Variants in INPP4B observed in about 807,000 individuals in gnomAD.
The protein encoded by INPP4B is inositol polyphosphate-4-phosphatase type II B.
In INPP4B, 55 loss-of-function variants were observed where a neutral mutation model predicts 122.5. That is an observed-to-expected ratio of 0.45 (90% confidence interval 0.36 to 0.56). The LOEUF is 0.56. Among genes scored for constraint, INPP4B ranks in the 20% least tolerant of loss-of-function variants. The pLI is 0.00. For missense variants in INPP4B, 1,000 were observed against 1,097.7 expected (o/e 0.91, Z 1.26); for synonymous variants, 403 against 388.7 (o/e 1.04, Z -0.43).
At chr4:142,088,294 A>G (rs1777806004) in intron 23 of INPP4B, among the ~76,000 whole-genome samples, 1 of 152,234 alleles carries the variant, frequency 6.6e-6, no homozygotes, top group Admixed American at 6.5e-5. Flanking sequence ...CATGGCATGC[A>G]AGAAATAAGA....
At chr4:142,680,044 G>A (rs1758399408) in intron 2 of INPP4B, among the ~76,000 whole-genome samples, 2 of 151,786 alleles carry the variant, frequency 1.3e-5, no homozygotes, top group African/African-American at 2.4e-5. Flanking sequence ...CAAGCTGGCT[G>A]GTTTTAGCTA....
At chr4:142,467,876 G>C (rs769317293) in intron 2 of INPP4B, 3 of 152,086 alleles carry the variant, frequency 2.0e-5, no homozygotes, top group Admixed American at 2.0e-4. Context: ...TGATAAGTGA[G>C]CTCTTGCTCT....
In INPP4B at chr4:142,420,529, G is replaced by C. The variant is rs139316904; in HGVS notation, c.136+8644C>G. On this transcript the variant is annotated intron_variant, in intron 5 of 25. Transcript: ENST00000262992. ...ACAGATGTGTAAAGAAGCTCTAATT[G>C]GTTCATTTTCTCTTCCTTCAATTAA... Among the ~76,000 whole-genome samples, 367 of 152,068 alleles carry C rather than the reference G, an allele frequency of 2.4e-3. 2 individuals carry two copies. The highest frequency in any genetic ancestry group is 8.3e-3 in the African/African-American group (344 of 41,496).
intron 8 of INPP4B, among the ~76,000 whole-genome samples, chr4:142,310,824 G>A (rs1420441547): frequency 6.6e-6 from 1 of 151,898 alleles, no homozygotes; most frequent in Admixed American, 6.6e-5. Context: ...AAAAGTTGAT[G>A]AATAGCCCAA....
intron 7 of INPP4B, among the ~76,000 whole-genome samples, chr4:142,352,303 A>G (rs143891700): frequency 1.3e-5 from 2 of 152,060 alleles, no homozygotes; most frequent in Non-Finnish European, 2.9e-5. Flanking sequence ...CAGTATTAAG[A>G]CAACAAAAGA....
chr4:142,530,999 G>A (rs1202166721), intron 2 of INPP4B, among the ~76,000 whole-genome samples: 1 of 152,026 alleles, frequency 6.6e-6, no homozygotes, highest in Non-Finnish European at 1.5e-5. Context: ...TATGTTTAAA[G>A]GTCACTGACT....
At chr4:142,218,359 T>G (rs942137513) in intron 12 of INPP4B, among the ~76,000 whole-genome samples, 5 of 152,174 alleles carry the variant, frequency 3.3e-5, no homozygotes, top group Admixed American at 2.0e-4. Flanking sequence ...AGGCCAACAT[T>G]CTGTGTGCAA....
At chr4:142,469,979 T>C (rs1818517033) in intron 2 of INPP4B, among the ~76,000 whole-genome samples, 2 of 152,040 alleles carry the variant, frequency 1.3e-5, no homozygotes, top group Admixed American at 1.3e-4. Flanking sequence ...TAAATTATGT[T>C]CCATTAGACA....
At chr4:142,494,665 G>A (rs1320874027) in intron 2 of INPP4B, among the ~76,000 whole-genome samples, 1 of 152,070 alleles carries the variant, frequency 6.6e-6, no homozygotes, top group African/African-American at 2.4e-5. Context: ...TTTCCTGGCT[G>A]TTATTATCTT....
chr4:142,060,076 T>C (rs1759765807), intron 25 of INPP4B, among the ~76,000 whole-genome samples: 1 of 152,214 alleles, frequency 6.6e-6, no homozygotes, highest in Admixed American at 6.5e-5. Context: ...GACTGATTTT[T>C]GGTTTTGCAC....
intron 23 of INPP4B, among the ~76,000 whole-genome samples, chr4:142,086,895 T>G (rs1241819058): frequency 6.6e-6 from 1 of 152,194 alleles, no homozygotes; most frequent in Non-Finnish European, 1.5e-5. Context: ...TGTCATGAGA[T>G]ATAACTTTCC....
chr4:142,082,055 A>G lies in INPP4B; in HGVS notation c.2618T>C (p.Ile873Thr). Residue 873 changes from isoleucine (I) to threonine (T), a missense_variant, in exon 25 of 26, where the codon ATC becomes ACC. Coordinates refer to ENST00000262992, the MANE Select transcript of INPP4B (RefSeq NM_001101669.3). The stretch of plus-strand genomic sequence containing the variant: ...CCTTCTCATGCAATCCAGCGCTCGG[A>G]TAAAGAAGTCCTTGTGTAACTGGTG... ...DEHQLHKDFF[I>T]RALDCMRREG... 1 of 1,472,082 alleles carries G rather than the reference A, an allele frequency of 6.8e-7. No homozygotes were observed. Among genetic ancestry groups the G allele is most frequent in the Non-Finnish European group, 9.2e-7 (1 of 1,086,722 alleles). The allele number at this position is 1,472,082 out of a possible 1,614,324, so 91.2% of individuals were successfully genotyped here.
chr4:142,487,784 T>C (rs1166677988), intron 2 of INPP4B, among the ~76,000 whole-genome samples: 1 of 152,174 alleles, frequency 6.6e-6, no homozygotes, highest in Non-Finnish European at 1.5e-5. Flanking sequence ...TTGCATCCTA[T>C]GGTCTTTATA....
At chr4:142,751,075 G>T (rs1769616115) in intron 1 of INPP4B, among the ~76,000 whole-genome samples, 1 of 151,960 alleles carries the variant, frequency 6.6e-6, no homozygotes. Context: ...GAGTACAGCT[G>T]TAAAAATAGC....
At chr4:142,348,559 C>A (rs1332398098) in intron 7 of INPP4B, among the ~76,000 whole-genome samples, 1 of 151,968 alleles carries the variant, frequency 6.6e-6, no homozygotes, top group Non-Finnish European at 1.5e-5. Flanking sequence ...TCTCTAACCT[C>A]TTTTCTTCAT....
chr4:142,091,636 G>A (rs547592070), intron 23 of INPP4B, among the ~76,000 whole-genome samples: 3 of 152,096 alleles, frequency 2.0e-5, no homozygotes, highest in African/African-American at 4.8e-5. Flanking sequence ...GACTATTCTC[G>A]TACCTCCCCA....
chr4:142,604,212 A>G (rs1740707436), intron 2 of INPP4B, among the ~76,000 whole-genome samples: 1 of 152,284 alleles, frequency 6.6e-6, no homozygotes, highest in African/African-American at 2.4e-5. Flanking sequence ...CAAACTAGGT[A>G]TAGATGAACC....
chr4:142,125,382 T>C (rs906999358), intron 18 of INPP4B, among the ~76,000 whole-genome samples: 1 of 152,102 alleles, frequency 6.6e-6, no homozygotes, highest in Non-Finnish European at 1.5e-5. Flanking sequence ...ACTAAAGCAT[T>C]CATAAATAAA....
chr4:142,030,329 G>T (rs1024208068), intron 25 of INPP4B: 2 of 1,510,962 alleles, frequency 1.3e-6, no homozygotes, highest in Admixed American at 2.0e-5. Flanking sequence ...AGTTGGGGGG[G>T]AAAAGAAAAT....
Sources: allele counts gnomAD v4.1 joint callset (sites outside exome capture counted in the v4.1 genomes callset), GRCh38; gene constraint gnomAD v4.1.1; transcripts MANE v1.5; gene names NCBI Gene and HGNC (gene_info 2026-07-23, HGNC 2026-07-21).